Variants in SETD1A observed in about 807,000 individuals in gnomAD.
SETD1A encodes the protein histone-lysine N-methyltransferase SETD1A.
SETD1A carries 29 observed loss-of-function variants against 149.9 expected under a neutral mutation model. The observed-to-expected ratio is 0.19, with a 90% CI of 0.14 to 0.26. The LOEUF (loss-of-function observed/expected upper bound fraction) is 0.26, where lower values mean the gene tolerates loss of function less well. SETD1A is among the 10% of genes least tolerant of loss of function. The pLI is 1.00. For synonymous variants in SETD1A, 1,141 were observed against 968.5 expected (o/e 1.18, Z -3.31); for missense variants, 2,109 against 2,353.1 (o/e 0.90, Z 2.15).
chr16:30,976,387 G>A (rs1224039957), intron 13 of SETD1A, among the ~76,000 whole-genome samples: 1 of 152,114 alleles, frequency 6.6e-6, no homozygotes, highest in Non-Finnish European at 1.5e-5. Flanking sequence ...CCTCTCGCCT[G>A]GGCCTCCCCA....
At position 30,980,011 on chromosome 16, in the gene SETD1A, C is replaced by G. The variant is rs540606947; in HGVS notation, c.4225C>G (p.Pro1409Ala). Reference sequence around the variant, plus strand: ...CCGCCGCCCTCCGCCCCCACCCCCGCCGCCACCGCCCCGCGCCTACGAGCC... The same window carrying G: ...CCGCCGCCCTCCGCCCCCACCCCCGGCGCCACCGCCCCGCGCCTACGAGCC... Reference protein sequence around the residue: ...RRRRPPPPPPPPPPRAYEPRS... With the variant: ...RRRRPPPPPPAPPPRAYEPRS... The change falls in exon 14 of 19, where the codon CCG (proline) becomes GCG (alanine). Residue 1409 changes from proline (P) to alanine (A), a missense_variant. By Grantham distance (27) the Pro-to-Ala change is conservative. Transcript: ENST00000262519. This position sits in a 1 kb window ranked among gnomAD's most constrained non-coding sequence, Gnocchi z 7.7. The G allele has an allele frequency of 6.7e-7, 1 of 1,500,882 alleles. No homozygotes were observed. Among genetic ancestry groups the G allele is most frequent in the East Asian group, 2.6e-5 (1 of 38,466 alleles). 93.0% of individuals were successfully genotyped at this position (1,500,882 alleles called of 1,614,324 possible).
At position 30,964,746 on chromosome 16, in the gene SETD1A, C is replaced by A. The variant is rs2056111554; in HGVS notation, c.1004C>A (p.Ala335Asp). ...TAIAATTAAT[A>D]SSSASSSSLS... ...ATCGCCGCCACCACTGCAGCCACTG[C>A]CTCATCCTCCGCCTCTTCCTCCTCA... The change falls in exon 7 of 19, where the codon GCC (alanine) becomes GAC (aspartate). Residue 335 changes from alanine (A) to aspartate (D), a missense_variant. Ala to Asp is a moderately radical substitution (Grantham distance 126). This residue lies in a region of SETD1A where 410 missense variants were observed against 394.8 expected (regional missense o/e 1.04). Transcript: ENST00000262519. 1.2e-6 allele frequency: 2 copies of A among 1,614,114 alleles called. No homozygotes were observed. The highest frequency in any genetic ancestry group is 2.7e-5 in the African/African-American group (2 of 74,934).
At position 30,965,842 on chromosome 16, in the gene SETD1A, C is replaced by T. The variant is rs773750948; in HGVS notation, c.1961C>T (p.Pro654Leu). 1.2e-5 allele frequency: 20 copies of T among 1,610,540 alleles called. No homozygotes were observed. The highest frequency in any genetic ancestry group is 8.4e-5 in the Admixed American group (5 of 59,672). Residue 654 changes from proline (P) to leucine (L), a missense_variant, in exon 8 of 19, where the codon CCG becomes CTG. By Grantham distance (98) the Pro-to-Leu change is moderately conservative. Transcript: ENST00000262519. The stretch of plus-strand genomic sequence containing the variant: ...TACCCCCCACCTCCTCCACCACCCC[C>T]GCACATCTATGACTTTGTGAACTCC... The part of the protein sequence containing the change: ...PEYPPPPPPP[P>L]HIYDFVNSLE...
chr16:30,979,991 G>GGCCCA lies in SETD1A; in HGVS notation c.4205_4206insGCCCA (p.Pro1404ThrfsTer23). The GGCCCA allele has an allele frequency of 7.8e-7, 1 of 1,279,640 alleles. No individual in the cohort carries two copies. The highest frequency in any genetic ancestry group is 1.0e-6 in the Non-Finnish European group (1 of 969,356). 79.3% of individuals were successfully genotyped at this position (1,279,640 alleles called of 1,614,324 possible). On this transcript the variant is annotated frameshift_variant, in exon 14 of 19. Coordinates refer to ENST00000262519, the MANE Select transcript of SETD1A (RefSeq NM_014712.3). LOFTEE classifies it high-confidence loss of function. ...CTCCGCTCCCACGCCCGGCGCCGCCGCCCTCCGCCCCCACCCCCGCCGCCA... is the reference window on the plus strand; with the variant it reads ...CTCCGCTCCCACGCCCGGCGCCGCCGGCCCACCCTCCGCCCCCACCCCCGCCGCCA...
chr16:30,974,284 GT>G (rs2056258465), intron 13 of SETD1A, among the ~76,000 whole-genome samples: 1 of 152,176 alleles, frequency 6.6e-6, no homozygotes, highest in African/African-American at 2.4e-5. Context: ...AACAGTGGCA[GT>G]TGGATCCATG....
chr16:30,967,580 A>T lies in SETD1A; in HGVS notation c.2762A>T (p.Asp921Val). The change falls in exon 10 of 19, where the codon GAT becomes GTT. Residue 921 changes from aspartate to valine, a missense_variant. Coordinates refer to ENST00000262519, the MANE Select transcript of SETD1A (RefSeq NM_014712.3). The part of the protein sequence containing the change: ...RPRPSTPAEE[D>V]EDDPEQEKEA... Reference sequence around the variant, plus strand: ...CGTCCCTCCACTCCTGCTGAGGAAGATGAAGACGGTGAGCAGGGTCAGGCA... The same window carrying T: ...CGTCCCTCCACTCCTGCTGAGGAAGTTGAAGACGGTGAGCAGGGTCAGGCA... 1.9e-6 allele frequency: 3 copies of T among 1,613,798 alleles called. No individual in the cohort carries two copies. In the South Asian group the frequency reaches 3.3e-5, roughly 18 times the overall value.
chr16:30,967,035 G>C lies in SETD1A; in HGVS notation c.2657G>C (p.Gly886Ala). 6.3e-7 allele frequency: 1 copy of C among 1,595,656 alleles called. No individual in the cohort carries two copies. The highest frequency in any genetic ancestry group is 8.5e-7 in the Non-Finnish European group (1 of 1,172,518). Residue 886 changes from glycine to alanine, a missense_variant, in exon 9 of 19, where the codon GGG (glycine) becomes GCG (alanine). Physicochemically the swap from Gly to Ala is moderately conservative, Grantham distance 60 (BLOSUM62 0). Coordinates refer to ENST00000262519, the MANE Select transcript of SETD1A (RefSeq NM_014712.3). ...TTCGCCTTTGGGTCAGGGCTGAGAGGGGCCCTGCGGCTGCCTTCATTCAAG... is the reference window on the plus strand; with the variant it reads ...TTCGCCTTTGGGTCAGGGCTGAGAGCGGCCCTGCGGCTGCCTTCATTCAAG... Reference protein sequence around the residue: ...EAFAFGSGLRGALRLPSFKVK... With the variant: ...EAFAFGSGLRAALRLPSFKVK...
At chr16:30,963,594 G>GCCCA (rs753129211) in intron 5 of SETD1A, 40 bp downstream of exon 5, 1 of 1,590,770 alleles carries the variant, frequency 6.3e-7, no homozygotes, top group Non-Finnish European at 8.6e-7. Flanking sequence ...AGCCATGTGG[G>GCCCA]CATGGTGTCC....
intron 8 of SETD1A, 139 bp from the exon 9 acceptor site, chr16:30,966,745 G>A (rs1268220633): frequency 1.2e-5 from 12 of 978,722 alleles, no homozygotes; most frequent in South Asian, 1.8e-5. Context: ...AATGCCGTGC[G>A]GGGGCTGGGA....
Position 30,971,281 on chromosome 16 carries a change from C to T in SETD1A, c.3017-97C>T, listed in dbSNP as rs182307337. 8.6e-5 allele frequency: 113 copies of T among 1,308,382 alleles called. No individual in the cohort carries two copies. In the African/African-American group the frequency reaches 1.4e-3, roughly 16 times the overall value. 81.0% of individuals were successfully genotyped at this position (1,308,382 alleles called of 1,614,324 possible). On this transcript the variant is annotated intron_variant, in intron 12 of 18. Coordinates refer to ENST00000262519, the MANE Select transcript of SETD1A (RefSeq NM_014712.3). ...CTGTTGGACTTCCCCGTCCCTAGCC[C>T]AGAGCCCAGCATCCACAGCAGGGAG...
chr16:30,980,317 TG>T lies in SETD1A; in HGVS notation c.4408+125del, dbSNP rs1386054500. On this transcript the variant is annotated intron_variant, in intron 14 of 18. Coordinates refer to ENST00000262519, the MANE Select transcript of SETD1A (RefSeq NM_014712.3). This position sits in a 1 kb window ranked among gnomAD's most constrained non-coding sequence, Gnocchi z 7.7. Reference sequence around the variant, plus strand: ...CTCCAAGCCATCTTTTCTCTCCTCCTGGTGCCTCTTTTCTGCCTTCCAAAGC... The same window carrying T: ...CTCCAAGCCATCTTTTCTCTCCTCCTGTGCCTCTTTTCTGCCTTCCAAAGC... 2 of 1,435,320 alleles carry T rather than the reference TG, an allele frequency of 1.4e-6. No homozygotes were observed. Among genetic ancestry groups the T allele is most frequent in the Non-Finnish European group, 1.9e-6 (2 of 1,075,370 alleles). The allele number at this position is 1,435,320 out of a possible 1,614,324, so 88.9% of individuals were successfully genotyped here. A position where few individuals can be genotyped will look rare whatever the true frequency, so the allele number is the denominator to read the frequency against.
chr16:30,980,626 C>G lies in SETD1A; in HGVS notation c.4550C>G (p.Ser1517Trp), dbSNP rs750403523. 1 of 1,613,632 alleles carries G rather than the reference C, an allele frequency of 6.2e-7. No homozygotes were observed. The highest frequency in any genetic ancestry group is 8.5e-7 in the Non-Finnish European group (1 of 1,179,990). Residue 1517 changes from serine (S) to tryptophan (W), a missense_variant, in exon 15 of 19, where the codon TCG becomes TGG. Transcript: ENST00000262519. This position sits in a 1 kb window ranked among gnomAD's most constrained non-coding sequence, Gnocchi z 7.7. The stretch of plus-strand genomic sequence containing the variant: ...AAGTACCTGGACGTGTGCCCAGTCT[C>G]GGCCCGGCAGCTGGAGGGCGTGGAC... ...KDKYLDVCPV[S>W]ARQLEGVDTQ... is the part of the protein sequence containing the mutation.
chr16:30,979,700 C>A lies in SETD1A; in HGVS notation c.3914C>A (p.Ala1305Asp). The A allele has an allele frequency of 6.2e-7, 1 of 1,604,152 alleles. No individual in the cohort carries two copies. The highest frequency in any genetic ancestry group is 8.5e-7 in the Non-Finnish European group (1 of 1,179,154). ...HILLEHNYAL[A>D]VKPTPPAPAL... is the part of the protein sequence containing the mutation. ...CTCCTGGAGCACAACTATGCCCTGG[C>A]CGTCAAGCCCACGCCCCCTGCGCCA... Residue 1305 changes from alanine to aspartate, a missense_variant, in exon 14 of 19, where the codon GCC (alanine) becomes GAC (aspartate). By Grantham distance (126) the Ala-to-Asp change is moderately radical. Around this residue, in one of 8 missense-constraint regions of SETD1A, gnomAD observed 832 missense variants for 815.6 expected, o/e 1.02. Transcript: ENST00000262519.
chr16:30,983,990 T>C lies in SETD1A; in HGVS notation c.5091T>C (p.Cys1697=). The change falls in exon 19 of 19, where the codon TGT becomes TGC. Residue 1697 remains cysteine (C), a synonymous_variant. Coordinates refer to ENST00000262519, the MANE Select transcript of SETD1A (RefSeq NM_014712.3). This position sits in a 1 kb window ranked among gnomAD's most constrained non-coding sequence, Gnocchi z 6.8. ...PLEDNKIPCL[C]GTESCRGSLN ...AAGACAACAAGATCCCGTGTCTGTGTGGCACAGAGAGCTGCCGGGGCTCCC... is the reference window on the plus strand; with the variant it reads ...AAGACAACAAGATCCCGTGTCTGTGCGGCACAGAGAGCTGCCGGGGCTCCC... 1 of 1,613,988 alleles carries C rather than the reference T, an allele frequency of 6.2e-7. No individual in the cohort carries two copies. Among genetic ancestry groups the C allele is most frequent in the Non-Finnish European group, 8.5e-7 (1 of 1,179,914 alleles).
Position 30,984,239 on chromosome 16 carries a change from T to A in SETD1A, c.*216T>A. 1.8e-6 allele frequency: 1 copy of A among 567,124 alleles called. No homozygotes were observed. Among genetic ancestry groups the A allele is most frequent in the South Asian group, 2.2e-5 (1 of 45,880 alleles). 35.1% of individuals were successfully genotyped at this position (567,124 alleles called of 1,614,324 possible). On this transcript the variant is annotated 3_prime_UTR_variant, in exon 19 of 19. Transcript: ENST00000262519. ...CCCACCACCCCCTGATTGTTTTTCT[T>A]TGCGGAGAAGAAGCTGTAAATGTTT...
intron 12 of SETD1A, among the ~76,000 whole-genome samples, chr16:30,970,330 T>C (rs1456417532): frequency 6.8e-6 from 1 of 146,800 alleles, no homozygotes. Flanking sequence ...TGCAGTGATG[T>C]GATCTTGGCT....
chr16:30,963,758 C>T (rs917375849), intron 5 of SETD1A, among the ~76,000 whole-genome samples: 6 of 152,192 alleles, frequency 3.9e-5, no homozygotes, highest in Admixed American at 2.0e-4. Context: ...TTTGGGAGGC[C>T]GAGGCGGGTG....
At chr16:30,976,677 C>T (rs1025120061) in intron 13 of SETD1A, among the ~76,000 whole-genome samples, 5 of 152,110 alleles carry the variant, frequency 3.3e-5, no homozygotes, top group East Asian at 3.9e-4. Flanking sequence ...ATCTCCAAGG[C>T]GGAGCCATTC....
At position 30,965,019 on chromosome 16, in the gene SETD1A, G is replaced by T. The variant is rs150067357; in HGVS notation, c.1277G>T (p.Arg426Leu). 3.1e-6 allele frequency: 5 copies of T among 1,612,972 alleles called. No individual in the cohort carries two copies. The highest frequency in any genetic ancestry group is 2.2e-5 in the East Asian group (1 of 44,872). The change falls in exon 7 of 19, where the codon CGG becomes CTG. Residue 426 changes from arginine to leucine, a missense_variant. Physicochemically the swap from Arg to Leu is moderately radical, Grantham distance 102. Coordinates refer to ENST00000262519, the MANE Select transcript of SETD1A (RefSeq NM_014712.3). ...EPSRPTDQDY[R>L]PPASEAPPPE... Reference sequence around the variant, plus strand: ...AGCCGGCCCACCGACCAGGACTACCGGCCTCCTGCCTCAGAGGCTCCACCC... The same window carrying T: ...AGCCGGCCCACCGACCAGGACTACCTGCCTCCTGCCTCAGAGGCTCCACCC...
Sources: gnomAD v4.1 joint callset for allele counts (sites outside exome capture counted in the v4.1 genomes callset) on GRCh38, gnomAD v4.1.1 for gene constraint, gnomAD v4.1.1 regional missense constraint, Gnocchi (gnomAD v3.1) non-coding constraint, MANE v1.5 for transcripts, NCBI Gene and HGNC (gene_info 2026-07-23, HGNC 2026-07-21) for gene names.